MTAP: variants seen among roughly 807,000 people sequenced by gnomAD.
MTAP encodes the protein methylthioadenosine phosphorylase.
MTAP carries 33 observed loss-of-function variants against 33.6 expected under a neutral mutation model. The ratio of observed to expected loss-of-function variants is 0.98; its 90% CI spans 0.74 to 1.31. The LOEUF is 1.31. MTAP is among the 40% of genes most tolerant of loss of function. MTAP has a pLI of 0.00. For missense variants in MTAP, 367 were observed against 360.0 expected, an observed-to-expected ratio of 1.02 and a Z score of -0.16; for synonymous variants, 148 against 125.7, an observed-to-expected ratio of 1.18 and a Z score of -1.19.
At chr9:21,846,148 A>C (rs574940144) in intron 5 of MTAP, among the ~76,000 whole-genome samples, 1 of 152,238 alleles carries the variant, frequency 6.6e-6, no homozygotes, top group Non-Finnish European at 1.5e-5. Context: ...ACCTGAAACC[A>C]TAAAAATTCT....
rs1563869336 is a variant in MTAP, at chr9:21,915,010, TCCTTCCTTCCTTC to T, written c.148-15996_148-15984del. On this transcript the variant is annotated intron_variant, in intron 1 of 1. Coordinates refer to the MTAP transcript ENST00000577563. ...CAATACTTTGTTTTCTTTCCTTCCT[TCCTTCCTTCCTTC>T]CTTCCTTCCTTCCTTCCTTCCTTCC... Among the ~76,000 whole-genome samples the T allele has an allele frequency of 2.6e-3, 191 of 74,456 alleles. 14 individuals carry two copies. The highest frequency in any genetic ancestry group is 0.015 in the African/African-American group (178 of 12,230). 48.8% of individuals were successfully genotyped at this position (74,456 alleles called of 152,430 possible). A position where few individuals can be genotyped will look rare whatever the true frequency, so the allele number is the denominator to read the frequency against.
At chr9:21,908,053 T>C (rs1343229877) in intron 1 of MTAP, among the ~76,000 whole-genome samples, 1 of 152,198 alleles carries the variant, frequency 6.6e-6, no homozygotes, top group Non-Finnish European at 1.5e-5. Flanking sequence ...ATAGTCAAGA[T>C]ACAGAACATT....
chr9:21,924,639 C>T (rs192196502), intron 1 of MTAP, among the ~76,000 whole-genome samples: 13 of 152,308 alleles, frequency 8.5e-5, no homozygotes, highest in African/African-American at 2.9e-4. Flanking sequence ...TTACCCAGGG[C>T]TCAAGCCCTG....
intron 1 of MTAP, among the ~76,000 whole-genome samples, chr9:21,890,887 G>T (rs1818191108): frequency 6.6e-6 from 1 of 152,126 alleles, no homozygotes; most frequent in Non-Finnish European, 1.5e-5. Flanking sequence ...GGTCGTTCTT[G>T]GAGCAAAAGT....
intron 1 of MTAP, among the ~76,000 whole-genome samples, chr9:21,926,397 A>G (rs1818869994): frequency 6.6e-6 from 1 of 152,230 alleles, no homozygotes; most frequent in Non-Finnish European, 1.5e-5. Flanking sequence ...CAAATCATAA[A>G]TGAGGCAGTA....
At chr9:21,875,080 G>A (rs1479375140) in intron 1 of MTAP, among the ~76,000 whole-genome samples, 1 of 152,076 alleles carries the variant, frequency 6.6e-6, no homozygotes, top group Non-Finnish European at 1.5e-5. Context: ...TCTGTCATTG[G>A]ATGGGCATTT....
Position 21,837,964 on chromosome 9 carries a change from T to G in MTAP, c.404T>G (p.Val135Gly). 1.2e-6 allele frequency: 2 copies of G among 1,614,070 alleles called. No individual in the cohort carries two copies. The change falls in exon 5 of 8, where the codon GTG becomes GGG. Residue 135 changes from valine (V) to glycine (G), a missense_variant. By Grantham distance (109) the Val-to-Gly change is moderately radical. Coordinates refer to ENST00000644715, the MANE Select transcript of MTAP (RefSeq NM_002451.4). ...GGAAGTCATTCTTGTGCCAGAGGAGTGTGCCATATTCCAATGGCTGAGCCG... is the reference window on the plus strand; with the variant it reads ...GGAAGTCATTCTTGTGCCAGAGGAGGGTGCCATATTCCAATGGCTGAGCCG... ...YDGSHSCARG[V>G]CHIPMAEPFC...
At chr9:21,841,752 C>T (rs1048302804) in intron 5 of MTAP, among the ~76,000 whole-genome samples, 1 of 152,222 alleles carries the variant, frequency 6.6e-6, no homozygotes, top group East Asian at 1.9e-4. Context: ...CAAGGGATCA[C>T]CCCATGAGAC....
chr9:21,909,980 A>T (rs16938590), intron 1 of MTAP, among the ~76,000 whole-genome samples: 1 of 152,048 alleles, frequency 6.6e-6, no homozygotes, highest in African/African-American at 2.4e-5. Context: ...TTACATGACA[A>T]AGATATCTTT....
intron 1 of MTAP, among the ~76,000 whole-genome samples, chr9:21,880,242 G>A (rs1817984013): frequency 6.6e-6 from 1 of 152,112 alleles, no homozygotes; most frequent in Admixed American, 6.6e-5. Context: ...CTCACCATGT[G>A]ATGCCTTTTG....
intron 1 of MTAP, among the ~76,000 whole-genome samples, chr9:21,897,853 C>A (rs201500159): frequency 2.0e-5 from 3 of 152,062 alleles, no homozygotes; most frequent in Non-Finnish European, 2.9e-5. Flanking sequence ...GCTACCAATG[C>A]CTTTCTTCAC....
intron 1 of MTAP, among the ~76,000 whole-genome samples, chr9:21,886,426 C>A (rs1818112021): frequency 6.6e-6 from 1 of 152,080 alleles, no homozygotes; most frequent in Non-Finnish European, 1.5e-5. Flanking sequence ...CTGATTATTT[C>A]TTTTGCTGTG....
chr9:21,936,817 T>A (rs1819046875), exon 8 of MTAP: 1 of 152,108 alleles, frequency 6.6e-6, no homozygotes, highest in Non-Finnish European at 1.5e-5. Context: ...GGGAGATAAC[T>A]ATATGCAAAG....
chr9:21,824,873 G>T (rs1824747101), intron 4 of MTAP, among the ~76,000 whole-genome samples: 1 of 151,984 alleles, frequency 6.6e-6, no homozygotes, highest in Non-Finnish European at 1.5e-5. Flanking sequence ...AATAAGCGAG[G>T]CTCTGTGGGC....
rs1268915371 is a variant in MTAP at position 21,865,625 on chromosome 9, C to T, written c.*3611C>T. 1 of 988,382 alleles carries T rather than the reference C, an allele frequency of 1.0e-6. No homozygotes were observed. The allele number at this position is 988,382 out of a possible 1,614,324, so 61.2% of individuals were successfully genotyped here. A position where few individuals can be genotyped will look rare whatever the true frequency, so the allele number is the denominator to read the frequency against. ...CAAGAAGGACAGCAGTAAATGAAGA[C>T]CATGGAAGAAAAGAAGGAATGCCAA... On this transcript the variant is annotated 3_prime_UTR_variant, in exon 8 of 8. Coordinates refer to ENST00000644715, the MANE Select transcript of MTAP (RefSeq NM_002451.4).
rs1189308705 is a variant in MTAP, at chr9:21,829,429, TG to T, written c.348-8478del. ...TCATTCTTTTGTTGTTTTTTTTTTT[TG>T]TTTGTTTGTTTTTTTGAGACAGTCC... On this transcript the variant is annotated intron_variant, in intron 4 of 7. Transcript: ENST00000644715. Among the ~76,000 whole-genome samples the T allele has an allele frequency of 1.8e-3, 252 of 143,230 alleles. 1 individual carries two copies. The highest frequency in any genetic ancestry group is 6.0e-3 in the African/African-American group (230 of 38,108). The allele number at this position is 143,230 out of a possible 152,430, so 94.0% of individuals were successfully genotyped here.
chr9:21,883,697 A>T (rs1005184615), intron 1 of MTAP, among the ~76,000 whole-genome samples: 2 of 151,316 alleles, frequency 1.3e-5, no homozygotes, highest in Non-Finnish European at 2.9e-5. Flanking sequence ...GCAAAAAAAA[A>T]ATCTGCTGAT....
intron 1 of MTAP, among the ~76,000 whole-genome samples, chr9:21,911,347 C>T (rs564359008): frequency 6.6e-6 from 1 of 152,324 alleles, no homozygotes; most frequent in East Asian, 1.9e-4. Flanking sequence ...CACCACACTG[C>T]ACCTATTCCA....
At chr9:21,915,055 CCTTT>C (rs1222666142) in intron 1 of MTAP, among the ~76,000 whole-genome samples, 581 of 25,768 alleles carry the variant, frequency 0.023, 28 homozygotes, top group Middle Eastern at 0.037. Context: ...TTCCTTCCTT[CCTTT>C]CTTTCTTTCT....
Sources: gnomAD v4.1 joint callset for allele counts (sites outside exome capture counted in the v4.1 genomes callset) on GRCh38, gnomAD v4.1.1 for gene constraint, MANE v1.5 for transcripts, NCBI Gene and HGNC (gene_info 2026-07-23, HGNC 2026-07-21) for gene names.